The following SYNJ2 variants were observed in gnomAD, a reference collection of about 807,000 sequenced individuals.
SYNJ2 encodes the protein synaptojanin 2.
In SYNJ2, 116 loss-of-function variants were observed where a neutral mutation model predicts 141.3. That is an observed-to-expected ratio of 0.82 (90% CI 0.71 to 0.96). SYNJ2 has a LOEUF of 0.96. SYNJ2 is among the 40% of genes least tolerant of loss of function. The probability of loss-of-function intolerance (pLI) is 0.00; values close to 1 mark genes in which losing one functional copy is unlikely to be tolerated. For missense variants in SYNJ2, 1,873 were observed against 1,934.8 expected, an observed-to-expected ratio of 0.97 and a Z score of 0.60; for synonymous variants, 745 against 777.7, an observed-to-expected ratio of 0.96 and a Z score of 0.70.
intron 1 of SYNJ2, chr6:158,002,232 TTGAAGTG>T (rs1028845715): frequency 2.2e-4 from 33 of 152,246 alleles, no homozygotes; most frequent in African/African-American, 8.0e-4. Context: ...AGTGGTGAAA[TTGAAGTG>T]TGACAGGGTG....
intron 15 of SYNJ2, among the ~76,000 whole-genome samples, chr6:158,073,305 C>T (rs909333064): frequency 2.0e-5 from 3 of 150,796 alleles, no homozygotes; most frequent in African/African-American, 7.3e-5. Flanking sequence ...TCAAGCAATT[C>T]TCCTGGCTCA....
At chr6:158,050,097 C>T (rs1780484691) in intron 5 of SYNJ2, among the ~76,000 whole-genome samples, 1 of 149,090 alleles carries the variant, frequency 6.7e-6, no homozygotes, top group Non-Finnish European at 1.5e-5. Context: ...TGCACATGGC[C>T]CCTGGAGCTG....
At chr6:158,064,468 AT>A (rs1781432365) in intron 9 of SYNJ2, 132 bp from the exon 10 acceptor site, 2 of 1,143,832 alleles carry the variant, frequency 1.7e-6, no homozygotes, top group African/African-American at 3.1e-5. Context: ...GGAACTCCTC[AT>A]CCTCTGGAGG....
rs780708848 is a variant in SYNJ2, at chr6:158,064,605, T to C, written c.1214T>C (p.Leu405Pro). The change falls in exon 10 of 27, where the codon CTG (leucine) becomes CCG (proline). Residue 405 changes from leucine (L) to proline (P), a missense_variant. Physicochemically the swap from Leu to Pro is moderately conservative, Grantham distance 98 (BLOSUM62 -3). Transcript: ENST00000355585. ...TVQSFIALEV[L>P]HLQLKTLGLS... Reference sequence around the variant, plus strand: ...CCATCCCTTATTCCTCCCCAGGTCCTGCATCTGCAGCTCAAGACCCTGGGG... The same window carrying C: ...CCATCCCTTATTCCTCCCCAGGTCCCGCATCTGCAGCTCAAGACCCTGGGG... 2.5e-6 allele frequency: 4 copies of C among 1,613,744 alleles called. No individual in the cohort carries two copies. Among genetic ancestry groups the C allele is most frequent in the East Asian group, 4.5e-5 (2 of 44,880 alleles).
In SYNJ2 at chr6:158,084,135, C is replaced by T; in HGVS notation, c.3169C>T (p.Pro1057Ser). The change falls in exon 22 of 27, where the codon CCT (proline) becomes TCT (serine). Residue 1057 changes from proline (P) to serine (S), a missense_variant. Coordinates refer to ENST00000355585, the MANE Select transcript of SYNJ2 (RefSeq NM_003898.4). This position sits in a 1 kb window ranked among gnomAD's most constrained non-coding sequence, Gnocchi z 5.0. ...AGCACTGGCTCCTCCCAGCAAGTCA[C>T]CTGCTCTCACCAAAAAGAAGCAGCA... Reference protein sequence around the residue: ...PTALAPPSKSPALTKKKQHPT... With the variant: ...PTALAPPSKSSALTKKKQHPT... 1.2e-6 allele frequency: 2 copies of T among 1,614,180 alleles called. No individual in the cohort carries two copies. The highest frequency in any genetic ancestry group is 1.1e-5 in the South Asian group (1 of 91,082).
At chr6:157,994,609 G>A (rs941634295) in intron 1 of SYNJ2, among the ~76,000 whole-genome samples, 34 of 152,290 alleles carry the variant, frequency 2.2e-4, no homozygotes, top group African/African-American at 7.2e-4. Context: ...GGCCAGCAGC[G>A]AGCTGCAGGA....
At chr6:158,034,820 C>T (rs953479355) in intron 4 of SYNJ2, among the ~76,000 whole-genome samples, 2 of 152,192 alleles carry the variant, frequency 1.3e-5, no homozygotes, top group Admixed American at 1.3e-4. Flanking sequence ...TTGCGTTTTA[C>T]ATTCAAGTCT....
In SYNJ2 at chr6:158,096,423, C is replaced by A; in HGVS notation, c.*59C>A. 2 of 1,503,350 alleles carry A rather than the reference C, an allele frequency of 1.3e-6. No individual in the cohort carries two copies. Among genetic ancestry groups the A allele is most frequent in the Non-Finnish European group, 1.8e-6 (2 of 1,131,766 alleles). The allele number at this position is 1,503,350 out of a possible 1,614,324, so 93.1% of individuals were successfully genotyped here. ...TGCATACCTTCCTCCCTCTAGACAT[C>A]CCTCCACCAGAAGAGACATCTATTT... On this transcript the variant is annotated 3_prime_UTR_variant, in exon 27 of 27. Transcript: ENST00000355585.
chr6:158,060,128 G>A (rs1177206017), intron 7 of SYNJ2, among the ~76,000 whole-genome samples: 2 of 152,158 alleles, frequency 1.3e-5, no homozygotes, highest in Non-Finnish European at 2.9e-5. Flanking sequence ...CCTGCTTGCC[G>A]GCTGGCCTTC....
In SYNJ2 at chr6:158,028,764, T is replaced by A. The variant is rs868405074; in HGVS notation, c.223T>A (p.Ser75Thr). The A allele has an allele frequency of 1.2e-6, 2 of 1,613,956 alleles. No individual in the cohort carries two copies. Among genetic ancestry groups the A allele is most frequent in the African/African-American group, 2.7e-5 (2 of 74,904 alleles). The change falls in exon 3 of 27, where the codon TCT becomes ACT. Residue 75 changes from serine (S) to threonine (T), a missense_variant. Transcript: ENST00000355585. The part of the protein sequence containing the change: ...GELRLKSGGT[S>T]LSFLVLVTGC... ...TCTGATTTCCTTTCCAGGTGGCACG[T>A]CTCTGAGCTTCCTGGTGTTGGTGAC...
chr6:158,068,514 C>A, intron 12 of SYNJ2, 133 bp from the exon 13 acceptor site: 3 of 933,326 alleles, frequency 3.2e-6, no homozygotes, highest in Non-Finnish European at 4.9e-6. Context: ...TTCCCAGCAG[C>A]AATGGTAGCC....
chr6:157,986,836 C>T (rs1418861540), intron 1 of SYNJ2, among the ~76,000 whole-genome samples: 1 of 152,150 alleles, frequency 6.6e-6, no homozygotes, highest in African/African-American at 2.4e-5. Context: ...ATTTTTATTT[C>T]ACTTGTCCCT....
rs1449063664 is a variant in SYNJ2 at position 158,033,531 on chromosome 6, G to A, written c.562G>A (p.Val188Met). The change falls in exon 4 of 27, where the codon GTG (valine) becomes ATG (methionine). Residue 188 changes from valine (V) to methionine (M), a missense_variant. Physicochemically the swap from Val to Met is conservative, Grantham distance 21. Coordinates refer to ENST00000355585, the MANE Select transcript of SYNJ2 (RefSeq NM_003898.4). ...CDWLLKIICG[V>M]VTIRTVYASH... ...CTGGCTGCTGAAGATCATCTGCGGG[G>A]TGGTCACCATCCGCACCGTGTATGC... is the stretch of plus-strand genomic sequence containing the variant. 4 of 1,614,190 alleles carry A rather than the reference G, an allele frequency of 2.5e-6. No individual in the cohort carries two copies. The highest frequency in any genetic ancestry group is 3.4e-6 in the Non-Finnish European group (4 of 1,180,054).
chr6:157,992,493 G>A (rs1219812247), intron 1 of SYNJ2, among the ~76,000 whole-genome samples: 2 of 144,960 alleles, frequency 1.4e-5, no homozygotes, highest in Non-Finnish European at 3.0e-5. Context: ...TCGGCTCACT[G>A]CAACCTCCGC....
chr6:157,981,707 C>G (rs1215433685), upstream of SYNJ2, among the ~76,000 whole-genome samples: 2 of 151,788 alleles, frequency 1.3e-5, no homozygotes, highest in Non-Finnish European at 2.9e-5. The surrounding 1 kb of genome is among the most constrained non-coding windows in gnomAD (Gnocchi z 6.4). Flanking sequence ...GGCGCGGCCT[C>G]GCGCAGCTGC....
chr6:158,017,542 A>G, intron 2 of SYNJ2: 1 of 496,544 alleles, frequency 2.0e-6, no homozygotes, highest in Non-Finnish European at 3.6e-6. Context: ...AGCCTCCTGA[A>G]TAGCTGGGAC....
intron 11 of SYNJ2, 128 bp from the exon 12 acceptor site, chr6:158,066,316 G>T (rs1255347891): frequency 7.6e-6 from 8 of 1,055,462 alleles, no homozygotes; most frequent in Non-Finnish European, 9.7e-6. Context: ...TTCGTAAGGA[G>T]CATACCCTGG....
intron 11 of SYNJ2, 123 bp from the exon 12 acceptor site, chr6:158,066,321 C>G: frequency 8.9e-7 from 1 of 1,117,986 alleles, no homozygotes; most frequent in South Asian, 1.5e-5. Context: ...AAGGAGCATA[C>G]CCTGGTTTAT....
chr6:158,065,860 A>T (rs1171981536), intron 11 of SYNJ2, among the ~76,000 whole-genome samples: 1 of 152,238 alleles, frequency 6.6e-6, no homozygotes, highest in Non-Finnish European at 1.5e-5. Context: ...GGTTTACATC[A>T]CAAGTTTAAA....
Sources: allele counts gnomAD v4.1 joint callset (sites outside exome capture counted in the v4.1 genomes callset), GRCh38; gene constraint gnomAD v4.1.1; non-coding constraint Gnocchi (gnomAD v3.1); transcripts MANE v1.5; gene names NCBI Gene and HGNC (gene_info 2026-07-23, HGNC 2026-07-21).